The following ASB2 variants were observed in gnomAD, a reference collection of about 807,000 sequenced individuals.
ASB2 encodes the protein ankyrin repeat and SOCS box containing 2, also known as ankyrin repeat and SOCS box protein 2.
In ASB2, 58 loss-of-function variants were observed where a neutral mutation model predicts 62.4. That is an observed-to-expected ratio of 0.93 (90% CI 0.75 to 1.16). The LOEUF (loss-of-function observed/expected upper bound fraction) is 1.16. Ranked by LOEUF, ASB2 falls within the 50% of genes most tolerant of loss-of-function variation. The pLI, the probability that ASB2 is intolerant of heterozygous loss-of-function variation, is 0.00. For synonymous variants in ASB2, 386 were observed against 385.3 expected, an observed-to-expected ratio of 1.00 and a Z score of -0.02; for missense variants, 928 against 887.9, an observed-to-expected ratio of 1.05 and a Z score of -0.57.
intron 3 of ASB2, 80 bp downstream of exon 3, chr14:93,956,686 G>A (rs1889221806): frequency 1.3e-6 from 2 of 1,571,934 alleles, no homozygotes; most frequent in African/African-American, 1.3e-5. Context: ...GGGGGCTGTG[G>A]GCCTGCTTCC....
At chr14:93,939,937 A>G (rs1009030962) in intron 7 of ASB2, 1 of 418,310 alleles carries the variant, frequency 2.4e-6, no homozygotes, top group African/African-American at 2.1e-5. Context: ...TCACATAGCC[A>G]GTAAGGGGCA....
At chr14:93,953,025 GCCC>G (rs1345697693) in intron 5 of ASB2, among the ~76,000 whole-genome samples, 1 of 152,248 alleles carries the variant, frequency 6.6e-6, no homozygotes, top group South Asian at 2.1e-4. Context: ...TCCTCTGGGT[GCCC>G]CTCCCCCATG....
chr14:93,973,393 A>G (rs1053273670), intron 1 of ASB2, among the ~76,000 whole-genome samples: 1 of 152,212 alleles, frequency 6.6e-6, no homozygotes, highest in Non-Finnish European at 1.5e-5. Flanking sequence ...CCAAAAAGAG[A>G]GCAAGAATGA....
At chr14:93,939,861 G>C in intron 7 of ASB2, 189 bp from the exon 8 acceptor site, 6 of 472,246 alleles carry the variant, frequency 1.3e-5, no homozygotes, top group Non-Finnish European at 2.2e-5. Flanking sequence ...AGGGTGGGTC[G>C]GCTGCCGTCT....
At chr14:93,966,020 G>A (rs1026505816) in intron 1 of ASB2, among the ~76,000 whole-genome samples, 1 of 152,234 alleles carries the variant, frequency 6.6e-6, no homozygotes, top group African/African-American at 2.4e-5. Flanking sequence ...CTGGGAAGCC[G>A]ACCCAGATCC....
rs567305637 is a variant in ASB2 at position 93,939,597 on chromosome 14, C to T, written c.1128G>A (p.Ala376=). 1.9e-6 allele frequency: 3 copies of T among 1,568,888 alleles called. No homozygotes were observed. Among genetic ancestry groups the T allele is most frequent in the Non-Finnish European group, 1.7e-6 (2 of 1,163,314 alleles). ...GCACCTCGTCGTGGTTGCGCTCGGCCGCCAGGTGCAGCGGACTGACGCCGC... is the reference window on the plus strand; with the variant it reads ...GCACCTCGTCGTGGTTGCGCTCGGCTGCCAGGTGCAGCGGACTGACGCCGC... ...RRSGVSPLHL[A]AERNHDEVLE... Residue 376 remains alanine (A), a synonymous_variant, in exon 8 of 10, where the codon GCG becomes GCA. Transcript: ENST00000555019.
In ASB2 at chr14:93,976,225, A is replaced by G. The variant is rs1164401541; in HGVS notation, c.-74+209T>C. Among the ~76,000 whole-genome samples, 9 of 152,228 alleles carry G rather than the reference A, an allele frequency of 5.9e-5. No homozygotes were observed. The East Asian group carries it at 1.7e-3, about 29-fold the overall frequency. On this transcript the variant is annotated intron_variant, in intron 1 of 9. Transcript: ENST00000555019. Reference sequence around the variant, plus strand: ...CCAGAGTCCTCCAGAAGAATGGGTAAGTACATGCAAATTGCTGAGTCTCTG... The same window carrying G: ...CCAGAGTCCTCCAGAAGAATGGGTAGGTACATGCAAATTGCTGAGTCTCTG...
At chr14:93,956,077 G>C (rs1889188410) in intron 3 of ASB2, among the ~76,000 whole-genome samples, 1 of 152,210 alleles carries the variant, frequency 6.6e-6, no homozygotes, top group Non-Finnish European at 1.5e-5. Context: ...ACGTAACTGA[G>C]TGAGGAAATG....
intron 6 of ASB2, 73 bp from the exon 7 acceptor site, chr14:93,947,593 G>C (rs1311790987): frequency 6.6e-7 from 1 of 1,509,892 alleles, no homozygotes; most frequent in African/African-American, 1.4e-5. Context: ...ACGCCACCGC[G>C]TGGTGGGCCT....
intron 9 of ASB2, among the ~76,000 whole-genome samples, chr14:93,937,374 A>G (rs971454844): frequency 2.6e-5 from 4 of 152,146 alleles, no homozygotes; most frequent in African/African-American, 7.2e-5. Flanking sequence ...GGTGGCCCCA[A>G]ATCATTCACA....
At chr14:93,971,897 A>T (rs1309968633) in intron 1 of ASB2, among the ~76,000 whole-genome samples, 1 of 151,790 alleles carries the variant, frequency 6.6e-6, no homozygotes, top group Non-Finnish European at 1.5e-5. Flanking sequence ...CAAACTGAAG[A>T]CTATGTGTGT....
At chr14:93,947,918 C>T (rs1372546554) in intron 6 of ASB2, among the ~76,000 whole-genome samples, 22 of 137,636 alleles carry the variant, frequency 1.6e-4, no homozygotes, top group Non-Finnish European at 3.1e-4. Context: ...CGCTTGAACC[C>T]AGGAGGTGGA....
In ASB2 at chr14:93,934,381, A is replaced by C; in HGVS notation, c.*275T>G. ...CTCAAGCTCTGCCCTGGCCCCAGGAATAGAGGTTTCTGCCATTCCTGAAGG... is the reference window on the plus strand; with the variant it reads ...CTCAAGCTCTGCCCTGGCCCCAGGACTAGAGGTTTCTGCCATTCCTGAAGG... On this transcript the variant is annotated 3_prime_UTR_variant, in exon 10 of 10. Transcript: ENST00000555019. 2.2e-6 allele frequency: 1 copy of C among 456,046 alleles called. No individual in the cohort carries two copies. The allele number at this position is 456,046 out of a possible 1,614,324, so 28.2% of individuals were successfully genotyped here. A position where few individuals can be genotyped will look rare whatever the true frequency, so the allele number is the denominator to read the frequency against.
In ASB2 at chr14:93,953,380, G is replaced by A. The variant is rs1388493419; in HGVS notation, c.606C>T (p.Asn202=). Residue 202 remains asparagine (N), a synonymous_variant, in exon 5 of 10, where the codon AAC becomes AAT. Coordinates refer to ENST00000555019, the MANE Select transcript of ASB2 (RefSeq NM_001202429.2). ...LQAGAEPDIS[N]KSRETPLYKA... The stretch of plus-strand genomic sequence containing the variant: ...TGTAGAGCGGTGTCTCTCGGGATTT[G>A]TTGGAGATGTCCGGCTCTGCCCCTG... The A allele has an allele frequency of 3.8e-6, 6 of 1,595,688 alleles. No homozygotes were observed. The Admixed American group carries it at 1.0e-4, about 27-fold the overall frequency.
Position 93,939,593 on chromosome 14 carries a change from C to T in ASB2, c.1132G>A (p.Glu378Lys), listed in dbSNP as rs1289192842. ...SGVSPLHLAA[E>K]RNHDEVLEAL... ...TCCAGCACCTCGTCGTGGTTGCGCT[C>T]GGCCGCCAGGTGCAGCGGACTGACG... Residue 378 changes from glutamate (E) to lysine (K), a missense_variant, in exon 8 of 10, where the codon GAG becomes AAG. Physicochemically the swap from Glu to Lys is moderately conservative, Grantham distance 56. Coordinates refer to ENST00000555019, the MANE Select transcript of ASB2 (RefSeq NM_001202429.2). The T allele has an allele frequency of 1.9e-6, 3 of 1,571,616 alleles. No individual in the cohort carries two copies. The highest frequency in any genetic ancestry group is 1.1e-5 in the South Asian group (1 of 87,640).
At chr14:93,949,078 T>A (rs533523960) in intron 6 of ASB2, among the ~76,000 whole-genome samples, 1 of 152,194 alleles carries the variant, frequency 6.6e-6, no homozygotes, top group South Asian at 2.1e-4. Flanking sequence ...GGGGGAGAAC[T>A]GATGTGCACA....
Position 93,951,205 on chromosome 14 carries a change from A to T in ASB2, c.674T>A (p.Val225Glu), listed in dbSNP as rs753479553. 1 of 1,610,724 alleles carries T rather than the reference A, an allele frequency of 6.2e-7. No homozygotes were observed. Among genetic ancestry groups the T allele is most frequent in the Non-Finnish European group, 8.5e-7 (1 of 1,178,474 alleles). ...GTGGTTGGTGTCTGCATTGTGCTGC[A>T]CCAGAATCTTCACGGCCTCCGCGTT... Reference protein sequence around the residue: ...RKNAEAVKILVQHNADTNHRC... With the variant: ...RKNAEAVKILEQHNADTNHRC... The change falls in exon 6 of 10, where the codon GTG (valine) becomes GAG (glutamate). Residue 225 changes from valine to glutamate, a missense_variant. Val to Glu is a moderately radical substitution (Grantham distance 121). Transcript: ENST00000555019.
rs202020276 is a variant in ASB2, at chr14:93,951,171, G to C, written c.708C>G (p.Asn236Lys). ...QHNADTNHRC[N>K]RGWTALHESV... The stretch of plus-strand genomic sequence containing the variant: ...ACTCGTGCAGAGCGGTCCAGCCGCG[G>C]TTGCAGCGGTGGTTGGTGTCTGCAT... Residue 236 changes from asparagine (N) to lysine (K), a missense_variant, in exon 6 of 10, where the codon AAC (asparagine) becomes AAG (lysine). By Grantham distance (94) the Asn-to-Lys change is moderately conservative. Coordinates refer to ENST00000555019, the MANE Select transcript of ASB2 (RefSeq NM_001202429.2). 3.1e-6 allele frequency: 5 copies of C among 1,613,956 alleles called. No homozygotes were observed. In the Admixed American group the frequency reaches 8.3e-5, roughly 27 times the overall value.
rs77526676 is a variant in ASB2 at position 93,942,680 on chromosome 14, C to G, written c.1053-3008G>C. 0.041 allele frequency among the ~76,000 whole-genome samples: 6,183 copies of G among 152,294 alleles called. 728 individuals are homozygous for G. In the East Asian group the frequency reaches 0.47, roughly 12 times the overall value. On this transcript the variant is annotated intron_variant, in intron 7 of 9. Transcript: ENST00000555019. ...GAGCTTTGAGCCAACGCAAGCTGTCCTTAGCTAGAGAGGGGCCCAGCATGG... is the reference window on the plus strand; with the variant it reads ...GAGCTTTGAGCCAACGCAAGCTGTCGTTAGCTAGAGAGGGGCCCAGCATGG...
Sources: allele counts gnomAD v4.1 joint callset (sites outside exome capture counted in the v4.1 genomes callset), GRCh38; gene constraint gnomAD v4.1.1; transcripts MANE v1.5; gene names NCBI Gene and HGNC (gene_info 2026-07-23, HGNC 2026-07-21).